The following ACYP2 variants were observed in gnomAD, a reference collection of about 807,000 sequenced individuals.
ACYP2 encodes acylphosphatase-2.
Under a neutral mutation model 11.2 loss-of-function variants are expected in ACYP2, and 12 were observed. That is an observed-to-expected ratio of 1.08 (90% CI 0.69 to 1.74). The LOEUF (loss-of-function observed/expected upper bound fraction) is 1.74, where lower values mean the gene tolerates loss of function less well. ACYP2 is among the 40% of genes most tolerant of loss of function. The pLI, the probability that ACYP2 is intolerant of heterozygous loss-of-function variation, is 0.00. For synonymous variants in ACYP2, 43 were observed against 32.2 expected, an observed-to-expected ratio of 1.33 and a Z score of -1.13; for missense variants, 134 against 101.9, an observed-to-expected ratio of 1.31 and a Z score of -1.35.
intron 6 of ACYP2, among the ~76,000 whole-genome samples, chr2:54,273,937 G>A (rs79008421): frequency 6.6e-5 from 10 of 152,262 alleles, no homozygotes; most frequent in Non-Finnish European, 1.0e-4. Context: ...CAAGTGTCTC[G>A]TTTTGTCTTC....
At chr2:54,137,243 T>C (rs2103779891) in intron 5 of ACYP2, among the ~76,000 whole-genome samples, 1 of 152,302 alleles carries the variant, frequency 6.6e-6, no homozygotes, top group Non-Finnish European at 1.5e-5. Flanking sequence ...AGCATGTTTA[T>C]GTTAGTGTTC....
chr2:54,090,413 G>A (rs1170033213), intron 4 of ACYP2, among the ~76,000 whole-genome samples: 10 of 152,104 alleles, frequency 6.6e-5, no homozygotes, highest in Admixed American at 6.5e-4. Flanking sequence ...GGCAGATCAC[G>A]AGGTAAGGAG....
intron 2 of ACYP2, among the ~76,000 whole-genome samples, chr2:54,049,653 C>T (rs1372967321): frequency 6.6e-6 from 1 of 152,174 alleles, no homozygotes; most frequent in Non-Finnish European, 1.5e-5. Flanking sequence ...CCCTCTGCTG[C>T]TTCTTACTCC....
chr2:54,049,865 A>G (rs1303369958), intron 2 of ACYP2, among the ~76,000 whole-genome samples: 1 of 152,148 alleles, frequency 6.6e-6, no homozygotes, highest in Admixed American at 6.5e-5. Context: ...TGCCAAGCTT[A>G]TCTTGTATTT....
At chr2:54,093,596 T>C (rs1678348768) in intron 4 of ACYP2, among the ~76,000 whole-genome samples, 1 of 152,220 alleles carries the variant, frequency 6.6e-6, no homozygotes, top group Non-Finnish European at 1.5e-5. Context: ...ACTTCCTCTT[T>C]TAGAGACTTA....
chr2:54,065,254 A>G (rs1676687825), intron 4 of ACYP2, among the ~76,000 whole-genome samples: 1 of 152,176 alleles, frequency 6.6e-6, no homozygotes, highest in African/African-American at 2.4e-5. Flanking sequence ...AAAGTTAAGG[A>G]AAAGAGAGGC....
chr2:54,046,167 C>CA (rs36114622), intron 2 of ACYP2, among the ~76,000 whole-genome samples: 769 of 55,312 alleles, frequency 0.014, 7 homozygotes, highest in East Asian at 0.018. Flanking sequence ...CAGACCCTGT[C>CA]AAAAAAAAAA....
At chr2:54,290,055 A>G (rs1689233265) in intron 6 of ACYP2, among the ~76,000 whole-genome samples, 1 of 151,996 alleles carries the variant, frequency 6.6e-6, no homozygotes, top group South Asian at 2.1e-4. Context: ...CCTTGGCGCT[A>G]TTCTTTTAAT....
intron 2 of ACYP2, among the ~76,000 whole-genome samples, chr2:54,015,236 T>C (rs1054505081): frequency 1.3e-5 from 2 of 149,656 alleles, no homozygotes; most frequent in African/African-American, 4.9e-5. Flanking sequence ...TACAGGCGGG[T>C]GTGGTGGCTC....
intron 6 of ACYP2, among the ~76,000 whole-genome samples, chr2:54,149,551 C>CA (rs1486697185): frequency 6.6e-6 from 1 of 151,844 alleles, no homozygotes; most frequent in Non-Finnish European, 1.5e-5. Context: ...TCTTAGTAAT[C>CA]ATGTTAAATT....
chr2:54,276,212 A>C lies in ACYP2; in HGVS notation c.405-28476A>C, dbSNP rs141797683. On this transcript the variant is annotated intron_variant, in intron 6 of 6. Coordinates refer to ENST00000607452, the MANE Select transcript of ACYP2 (RefSeq NM_001320586.2). ...TACAGAAAAAGTAAAAGTCCTTAGCAAGCTGTGCAAGACCCTTCCCCTCTG... is the reference window on the plus strand; with the variant it reads ...TACAGAAAAAGTAAAAGTCCTTAGCCAGCTGTGCAAGACCCTTCCCCTCTG... 3.8e-3 allele frequency among the ~76,000 whole-genome samples: 569 copies of C among 151,118 alleles called. 2 individuals are homozygous for C. Among genetic ancestry groups the C allele is most frequent in the African/African-American group, 0.013 (533 of 40,984 alleles).
rs62140982 is a variant in ACYP2 at position 54,016,295 on chromosome 2, C to T, written c.63-34663C>T. Among the ~76,000 whole-genome samples the T allele has an allele frequency of 4.5e-3, 680 of 152,100 alleles. 1 individual carries two copies. The highest frequency in any genetic ancestry group is 7.9e-3 in the Non-Finnish European group (534 of 68,004). ...AAAAAAATATGTAGCCTTGCCTACT[C>T]ATGAATGCCTAACACAATACAGTGC... is the stretch of plus-strand genomic sequence containing the variant. On this transcript the variant is annotated intron_variant, in intron 2 of 6. Transcript: ENST00000607452.
At chr2:54,205,332 G>T (rs780527572) in intron 6 of ACYP2, among the ~76,000 whole-genome samples, 26 of 152,204 alleles carry the variant, frequency 1.7e-4, no homozygotes, top group Admixed American at 1.7e-3. Flanking sequence ...CTGAGATGAT[G>T]CCCGGAGAGA....
Position 54,085,444 on chromosome 2 carries a change from T to G in ACYP2, c.277+28084T>G, listed in dbSNP as rs188884054. Among the ~76,000 whole-genome samples the G allele has an allele frequency of 5.9e-5, 9 of 152,334 alleles. 1 individual carries two copies. In the East Asian group the frequency reaches 1.5e-3, roughly 26 times the overall value. On this transcript the variant is annotated intron_variant, in intron 4 of 6. Coordinates refer to ENST00000607452, the MANE Select transcript of ACYP2 (RefSeq NM_001320586.2). ...GGGCAAATCATTATCTTACTAGTTT[T>G]TATTCATCTTTCTTTTTTTTTAAAT...
intron 6 of ACYP2, among the ~76,000 whole-genome samples, chr2:54,152,499 C>T (rs367940317): frequency 2.6e-5 from 4 of 152,090 alleles, no homozygotes; most frequent in African/African-American, 9.7e-5. Context: ...ATTATAGTAT[C>T]ACAGAGAATT....
chr2:54,052,516 G>T (rs1450987907), intron 3 of ACYP2, among the ~76,000 whole-genome samples: 3 of 152,088 alleles, frequency 2.0e-5, no homozygotes, highest in African/African-American at 7.2e-5. Flanking sequence ...AGTTGTCTCT[G>T]TTGCAGCTTA....
chr2:54,015,527 G>A (rs990398376), intron 2 of ACYP2, among the ~76,000 whole-genome samples: 3 of 151,872 alleles, frequency 2.0e-5, no homozygotes, highest in African/African-American at 7.3e-5. Context: ...GTGTGTGCCT[G>A]TAGTCCCAGC....
chr2:54,017,375 C>T (rs998695005), intron 2 of ACYP2, among the ~76,000 whole-genome samples: 20 of 151,330 alleles, frequency 1.3e-4, no homozygotes, highest in Admixed American at 1.1e-3. Context: ...CTGCCTCAGC[C>T]TCCCAGGTAG....
chr2:53,990,871 A>G (rs892286651), intron 2 of ACYP2, among the ~76,000 whole-genome samples: 17 of 151,460 alleles, frequency 1.1e-4, no homozygotes, highest in African/African-American at 4.1e-4. Context: ...ATCTCGGCTC[A>G]CTGCCAGCTC....
Sources: allele counts gnomAD v4.1 joint callset (sites outside exome capture counted in the v4.1 genomes callset), GRCh38; gene constraint gnomAD v4.1.1; transcripts MANE v1.5; gene names NCBI Gene and HGNC (gene_info 2026-07-23, HGNC 2026-07-21).